The following PRICKLE2 variants were observed in gnomAD, a reference collection of about 807,000 sequenced individuals.
PRICKLE2 encodes prickle planar cell polarity protein 2.
PRICKLE2 carries 21 observed loss-of-function variants against 81.4 expected under a neutral mutation model. The ratio of observed to expected loss-of-function variants is 0.26; its 90% CI spans 0.18 to 0.37. The LOEUF (loss-of-function observed/expected upper bound fraction) is 0.37, where lower values mean the gene tolerates loss of function less well. PRICKLE2 is among the 10% of genes least tolerant of loss of function. The pLI, the probability that PRICKLE2 is intolerant of heterozygous loss-of-function variation, is 1.00. For synonymous variants in PRICKLE2, 456 were observed against 421.5 expected, an observed-to-expected ratio of 1.08 and a Z score of -1.00; for missense variants, 940 against 1,109.0, an observed-to-expected ratio of 0.85 and a Z score of 2.16.
chr3:64,179,245 T>G (rs1010691067), intron 2 of PRICKLE2, among the ~76,000 whole-genome samples: 3 of 151,840 alleles, frequency 2.0e-5, no homozygotes, highest in African/African-American at 7.3e-5. Context: ...CCTGGCTAAT[T>G]TCGTATTTTT....
chr3:64,152,296 A>G (rs997108659), intron 6 of PRICKLE2, among the ~76,000 whole-genome samples: 1 of 152,158 alleles, frequency 6.6e-6, no homozygotes, highest in African/African-American at 2.4e-5. Flanking sequence ...CTGTGATCTC[A>G]CAGACATTCA....
chr3:64,184,106 C>G (rs1044529243), intron 2 of PRICKLE2, among the ~76,000 whole-genome samples: 4 of 152,156 alleles, frequency 2.6e-5, no homozygotes, highest in African/African-American at 9.7e-5. Context: ...TGGACAAGAA[C>G]TTCAGACTTA....
chr3:64,265,715 A>G (rs954096677), intron 2 of PRICKLE2, among the ~76,000 whole-genome samples: 1 of 152,162 alleles, frequency 6.6e-6, no homozygotes, highest in Admixed American at 6.5e-5. Flanking sequence ...AAACAGCTCC[A>G]CAAAGACCAT....
rs964072545 is a variant in PRICKLE2, at chr3:64,092,567, G to C, written c.*6484C>G. The C allele has an allele frequency of 6.6e-6, 1 of 152,238 alleles. No homozygotes were observed. The highest frequency in any genetic ancestry group is 1.5e-5 in the Non-Finnish European group (1 of 68,060). The allele number at this position is 152,238 out of a possible 1,614,324, so 9.4% of individuals were successfully genotyped here. A position where few individuals can be genotyped will look rare whatever the true frequency, so the allele number is the denominator to read the frequency against. ...GTTGTGGATCAGACACGGGGAAATT[G>C]AATTTACATGCTGCCTTGGTCCTGG... On this transcript the variant is annotated 3_prime_UTR_variant, in exon 8 of 8. Coordinates refer to ENST00000638394, the MANE Select transcript of PRICKLE2 (RefSeq NM_198859.4).
Position 64,122,781 on chromosome 3 carries a change from C to T in PRICKLE2, c.1661-22856G>A, listed in dbSNP as rs894633165. 9.9e-5 allele frequency among the ~76,000 whole-genome samples: 15 copies of T among 152,190 alleles called. 1 individual carries two copies. Among genetic ancestry groups the T allele is most frequent in the Non-Finnish European group, 1.3e-4 (9 of 68,030 alleles). Reference sequence around the variant, plus strand: ...TGAAGACTGATGACTTAATTCCCTGCTCCTGTCACTAAATGTGGTCCCTGT... The same window carrying T: ...TGAAGACTGATGACTTAATTCCCTGTTCCTGTCACTAAATGTGGTCCCTGT... On this transcript the variant is annotated intron_variant, in intron 7 of 7. Coordinates refer to ENST00000638394, the MANE Select transcript of PRICKLE2 (RefSeq NM_198859.4).
intron 7 of PRICKLE2, chr3:64,103,095 A>T (rs2106941171): frequency 6.6e-6 from 1 of 152,324 alleles, no homozygotes; most frequent in Non-Finnish European, 1.5e-5. Context: ...TTAAGTCTGA[A>T]ATTATTTCCA....
At chr3:64,127,660 G>C (rs1416470190) in intron 7 of PRICKLE2, among the ~76,000 whole-genome samples, 1 of 151,934 alleles carries the variant, frequency 6.6e-6, no homozygotes, top group African/African-American at 2.4e-5. Context: ...AGGTGCAAAA[G>C]CAAGACTGTA....
chr3:64,210,757 G>C (rs1188946775), intron 1 of PRICKLE2, among the ~76,000 whole-genome samples: 2 of 152,180 alleles, frequency 1.3e-5, no homozygotes, highest in African/African-American at 2.4e-5. Context: ...CCTCCTGGGT[G>C]ACTTTGCTTG....
At chr3:64,162,463 CCA>C (rs1303976268) in intron 3 of PRICKLE2, among the ~76,000 whole-genome samples, 1 of 152,134 alleles carries the variant, frequency 6.6e-6, no homozygotes, top group Non-Finnish European at 1.5e-5. Context: ...GTCTGCTAGT[CCA>C]CACTTTCAAG....
intron 7 of PRICKLE2, among the ~76,000 whole-genome samples, chr3:64,108,918 C>T (rs1294366266): frequency 6.6e-6 from 1 of 152,118 alleles, no homozygotes; most frequent in Admixed American, 6.6e-5. Context: ...CTGGACTCTA[C>T]CCACTAGATG....
chr3:64,198,845 T>A lies in PRICKLE2; in HGVS notation c.83A>T (p.Asp28Val). Residue 28 changes from aspartate (D) to valine (V), a missense_variant, in exon 2 of 8, where the codon GAT becomes GTT. Asp to Val is a radical substitution (Grantham distance 152). Around this residue, in one of 2 missense-constraint regions of PRICKLE2, gnomAD observed 270 missense variants for 391.8 expected, o/e 0.69. Transcript: ENST00000638394. ...FDFQRNSTSDDDSGCALEEYA... is the reference protein window; with the variant it reads ...FDFQRNSTSDVDSGCALEEYA... ...CTCTTCCAAAGCACAGCCTGAGTCATCATCTGAGGTCGAGTTCCTCTGAAA... is the reference window on the plus strand; with the variant it reads ...CTCTTCCAAAGCACAGCCTGAGTCAACATCTGAGGTCGAGTTCCTCTGAAA... 6.2e-7 allele frequency: 1 copy of A among 1,614,142 alleles called. No homozygotes were observed. Among genetic ancestry groups the A allele is most frequent in the Non-Finnish European group, 8.5e-7 (1 of 1,180,018 alleles).
chr3:64,147,532 C>T lies in PRICKLE2; in HGVS notation c.958G>A (p.Asp320Asn). Reference protein sequence around the residue: ...CSAGEDPNGSDSSDSAFQNAR... With the variant: ...CSAGEDPNGSNSSDSAFQNAR... Reference sequence around the variant, plus strand: ...TTCTGGAAGGCGGAATCAGAGGAGTCAGAACCATTGGGGTCTTCCCCAGCA... The same window carrying T: ...TTCTGGAAGGCGGAATCAGAGGAGTTAGAACCATTGGGGTCTTCCCCAGCA... The change falls in exon 7 of 8, where the codon GAC becomes AAC. Residue 320 changes from aspartate (D) to asparagine (N), a missense_variant. Physicochemically the swap from Asp to Asn is conservative, Grantham distance 23. This residue lies in a region of PRICKLE2 where 670 missense variants were observed against 717.2 expected (regional missense o/e 0.93). Coordinates refer to ENST00000638394, the MANE Select transcript of PRICKLE2 (RefSeq NM_198859.4). The surrounding 1 kb of genome is among the most constrained non-coding windows in gnomAD (Gnocchi z 5.0). 1 of 1,614,250 alleles carries T rather than the reference C, an allele frequency of 6.2e-7. No homozygotes were observed. Among genetic ancestry groups the T allele is most frequent in the Non-Finnish European group, 8.5e-7 (1 of 1,180,052 alleles).
chr3:64,140,111 C>T (rs2077337795), intron 7 of PRICKLE2, among the ~76,000 whole-genome samples: 1 of 152,232 alleles, frequency 6.6e-6, no homozygotes, highest in Admixed American at 6.5e-5. Context: ...GTGTTAGACA[C>T]TGTTCTAAAT....
intron 4 of PRICKLE2, 166 bp downstream of exon 4, chr3:64,159,774 C>A: frequency 1.2e-6 from 1 of 803,390 alleles, no homozygotes; most frequent in Non-Finnish European, 2.1e-6. Flanking sequence ...TGACTTCCTC[C>A]CCTAGAATCC....
At position 64,147,772 on chromosome 3, in the gene PRICKLE2, T is replaced by A; in HGVS notation, c.788-70A>T. 6.4e-7 allele frequency: 1 copy of A among 1,551,712 alleles called. No individual in the cohort carries two copies. Among genetic ancestry groups the A allele is most frequent in the South Asian group, 1.1e-5 (1 of 89,410 alleles). On this transcript the variant is annotated intron_variant, in intron 6 of 7. Transcript: ENST00000638394. The surrounding 1 kb of genome is among the most constrained non-coding windows in gnomAD (Gnocchi z 5.0). ...GCTCTGCACTGGGACGTGAAACACA[T>A]AGCACCTTGGTTTGTCTCAGGATTC...
intron 2 of PRICKLE2, among the ~76,000 whole-genome samples, chr3:64,164,888 C>T (rs958971385): frequency 6.6e-6 from 1 of 152,190 alleles, no homozygotes; most frequent in African/African-American, 2.4e-5. Flanking sequence ...GCACAGCATT[C>T]CATCCTCAGA....
In PRICKLE2 at chr3:64,099,073, C is replaced by A; in HGVS notation, c.2513G>T (p.Ser838Ile). ...ATATTAAGAAATGATACAGTTTTTG[C>A]TCTTCTGTCTTTTCCTGCTGTGCAA... ...GQLHSRKRQK[S>I]KNCIIS The change falls in exon 8 of 8, where the codon AGC (serine) becomes ATC (isoleucine). Residue 838 changes from serine to isoleucine, a missense_variant. Coordinates refer to ENST00000638394, the MANE Select transcript of PRICKLE2 (RefSeq NM_198859.4). The surrounding 1 kb of genome is among the most constrained non-coding windows in gnomAD (Gnocchi z 4.3). The A allele has an allele frequency of 6.2e-7, 1 of 1,614,198 alleles. No homozygotes were observed. Among genetic ancestry groups the A allele is most frequent in the Non-Finnish European group, 8.5e-7 (1 of 1,180,052 alleles).
At chr3:64,266,397 C>G (rs2079709326) in intron 2 of PRICKLE2, among the ~76,000 whole-genome samples, 1 of 152,198 alleles carries the variant, frequency 6.6e-6, no homozygotes, top group Non-Finnish European at 1.5e-5. Flanking sequence ...AAACTTCCAT[C>G]CAGTCAACAG....
In PRICKLE2 at chr3:64,113,326, C is replaced by G. The variant is rs1352011856; in HGVS notation, c.1661-13401G>C. 4.6e-5 allele frequency among the ~76,000 whole-genome samples: 7 copies of G among 152,294 alleles called. No homozygotes were observed. In the East Asian group the frequency reaches 1.2e-3, roughly 25 times the overall value. On this transcript the variant is annotated intron_variant, in intron 7 of 7. Transcript: ENST00000638394. ...TTGGACCTGATCGCTGAAGGGTGGTCTTGCACATCAGATGGGGCTGGTCTG... is the reference window on the plus strand; with the variant it reads ...TTGGACCTGATCGCTGAAGGGTGGTGTTGCACATCAGATGGGGCTGGTCTG...
Sources: gnomAD v4.1 joint callset for allele counts (sites outside exome capture counted in the v4.1 genomes callset) on GRCh38, gnomAD v4.1.1 for gene constraint, gnomAD v4.1.1 regional missense constraint, Gnocchi (gnomAD v3.1) non-coding constraint, MANE v1.5 for transcripts, NCBI Gene and HGNC (gene_info 2026-07-23, HGNC 2026-07-21) for gene names.